Variants in LARGE1 observed in about 807,000 individuals in gnomAD.
LARGE1 encodes xylosyl- and glucuronyltransferase LARGE1.
Under a neutral mutation model 87.6 loss-of-function variants are expected in LARGE1, and 43 were observed. That is an observed-to-expected ratio of 0.49 (90% CI 0.38 to 0.63). The LOEUF is 0.63. Ranked by LOEUF, LARGE1 falls within the 30% of genes least tolerant of loss-of-function variation. The probability of loss-of-function intolerance (pLI) is 0.00; values close to 1 mark genes in which losing one functional copy is unlikely to be tolerated. For missense variants in LARGE1, 802 were observed against 1,000.2 expected (o/e 0.80, Z 2.67); for synonymous variants, 434 against 394.6 (o/e 1.10, Z -1.18).
chr22:33,227,050 G>A (rs1409816970), intron 11 of LARGE1, among the ~76,000 whole-genome samples: 1 of 151,974 alleles, frequency 6.6e-6, no homozygotes, highest in Non-Finnish European at 1.5e-5. Flanking sequence ...TTAACTCTGA[G>A]TGACTATATT....
chr22:33,825,292 G>A (rs1398204396), intron 1 of LARGE1, among the ~76,000 whole-genome samples: 1 of 151,796 alleles, frequency 6.6e-6, no homozygotes, highest in Non-Finnish European at 1.5e-5. Context: ...TATGGGATGG[G>A]GTATTAGTCT....
the LARGE1 span, among the ~76,000 whole-genome samples, chr22:33,089,678 A>G: frequency 1.2e-3 from 183 of 151,770 alleles, no homozygotes; most frequent in Non-Finnish European, 2.1e-3. Context: ...TAAATTTTTT[A>G]TAGAGATGGG....
intron 6 of LARGE1, among the ~76,000 whole-genome samples, chr22:33,541,749 A>G (rs2077217323): frequency 6.8e-6 from 1 of 146,964 alleles, no homozygotes; most frequent in South Asian, 2.2e-4. Context: ...CCAAAAATTA[A>G]AAAAAAAAAA....
chr22:33,891,292 G>A (rs190959595), intron 1 of LARGE1, among the ~76,000 whole-genome samples: 133 of 152,324 alleles, frequency 8.7e-4, no homozygotes, highest in Middle Eastern at 3.4e-3. Context: ...AATTAGTCCA[G>A]AAATTCATTT....
In LARGE1 at chr22:33,575,064, C is replaced by A. The variant is rs575642156; in HGVS notation, c.616-10045G>T. On this transcript the variant is annotated intron_variant, in intron 5 of 14. Transcript: ENST00000397394. ...AGGATCCTATTGAGAGGTTACAATT[C>A]ATTAGATTTGTGGTAGGGCCTAGAA... 2.0e-3 allele frequency among the ~76,000 whole-genome samples: 308 copies of A among 152,278 alleles called. 1 individual carries two copies. The highest frequency in any genetic ancestry group is 7.2e-3 in the African/African-American group (300 of 41,552).
At chr22:33,207,349 C>T (rs981284236) in intron 11 of LARGE1, among the ~76,000 whole-genome samples, 2 of 152,210 alleles carry the variant, frequency 1.3e-5, no homozygotes, top group African/African-American at 2.4e-5. Context: ...CTACAGTTGA[C>T]GCTTCTTCCC....
chr22:33,805,389 T>G (rs1363288114), intron 1 of LARGE1, among the ~76,000 whole-genome samples: 2 of 152,116 alleles, frequency 1.3e-5, no homozygotes, highest in East Asian at 3.9e-4. Context: ...CCAAGGAATC[T>G]CTTTCCTCTG....
the LARGE1 span, among the ~76,000 whole-genome samples, chr22:33,086,911 A>G: frequency 6.6e-5 from 10 of 152,292 alleles, no homozygotes; most frequent in Middle Eastern, 3.4e-3. Flanking sequence ...ATTCTGTTAA[A>G]AATCATTTAA....
At chr22:33,624,792 C>A (rs1054924947) in intron 4 of LARGE1, among the ~76,000 whole-genome samples, 2 of 152,132 alleles carry the variant, frequency 1.3e-5, no homozygotes, top group Admixed American at 1.3e-4. Flanking sequence ...AGCAGATGAT[C>A]TGAAGAGTAG....
At chr22:33,443,972 T>G (rs1250316918) in intron 6 of LARGE1, among the ~76,000 whole-genome samples, 1 of 152,262 alleles carries the variant, frequency 6.6e-6, no homozygotes, top group Admixed American at 6.5e-5. Flanking sequence ...GGATTTGTCT[T>G]TTTTAAAAAA....
intron 2 of LARGE1, among the ~76,000 whole-genome samples, chr22:33,714,601 A>T (rs1310948541): frequency 6.6e-6 from 1 of 152,204 alleles, no homozygotes; most frequent in Non-Finnish European, 1.5e-5. Context: ...AAGGAAGGAA[A>T]AACAAAAGAA....
chr22:33,882,583 G>C (rs1057114555), intron 1 of LARGE1, among the ~76,000 whole-genome samples: 8 of 152,146 alleles, frequency 5.3e-5, no homozygotes, highest in African/African-American at 1.9e-4. Context: ...AGTAACACTG[G>C]AACAGGAAGG....
At chr22:33,218,541 T>G (rs5998816) in intron 11 of LARGE1, among the ~76,000 whole-genome samples, 4,021 of 152,224 alleles carry the variant, frequency 0.026, 175 homozygotes, top group African/African-American at 0.089. Context: ...TCCTTTTTCG[T>G]GGTACTCACA....
intron 6 of LARGE1, among the ~76,000 whole-genome samples, chr22:33,561,825 A>G (rs2148765035): frequency 6.6e-6 from 1 of 152,320 alleles, no homozygotes; most frequent in South Asian, 2.1e-4. Flanking sequence ...AGATGGGGAC[A>G]TCTCTAAGAG....
At chr22:33,640,538 GT>G (rs1005199940) in intron 3 of LARGE1, among the ~76,000 whole-genome samples, 1 of 151,586 alleles carries the variant, frequency 6.6e-6, no homozygotes, top group Non-Finnish European at 1.5e-5. Flanking sequence ...AGCTGCAGGA[GT>G]TTTTTTTTCA....
intron 6 of LARGE1, among the ~76,000 whole-genome samples, chr22:33,523,474 G>A (rs1215340592): frequency 6.6e-6 from 1 of 152,046 alleles, no homozygotes; most frequent in African/African-American, 2.4e-5. Flanking sequence ...TAATTTCTAG[G>A]GGTTCTTTGT....
chr22:33,135,592 C>A, the LARGE1 span, among the ~76,000 whole-genome samples: 2 of 152,160 alleles, frequency 1.3e-5, no homozygotes, highest in African/African-American at 4.8e-5. Context: ...GTAATCCCAG[C>A]ACTTTGGGAG....
intron 11 of LARGE1, among the ~76,000 whole-genome samples, chr22:33,258,344 C>T (rs568145528): frequency 6.6e-6 from 1 of 152,216 alleles, no homozygotes; most frequent in East Asian, 1.9e-4. Flanking sequence ...GCAATGCATT[C>T]TTGAGGGAAA....
exon 12 of LARGE1, chr22:33,162,267 A>G (rs1273801241): frequency 6.6e-6 from 1 of 152,254 alleles, no homozygotes; most frequent in Non-Finnish European, 1.5e-5. Flanking sequence ...ACAGTTCAGC[A>G]TGGCAGGCAA....
Sources: gnomAD v4.1 joint callset for allele counts (sites outside exome capture counted in the v4.1 genomes callset) on GRCh38, gnomAD v4.1.1 for gene constraint, MANE v1.5 for transcripts, NCBI Gene and HGNC (gene_info 2026-07-23, HGNC 2026-07-21) for gene names.